Variants in SMARCA4 observed in about 807,000 individuals in gnomAD.
The protein encoded by SMARCA4 is SWI/SNF related BAF chromatin remodeling complex subunit ATPase 4, also known as SWI/SNF-related matrix-associated actin-dependent regulator of chromatin subfamily A member 4.
In SMARCA4, 31 loss-of-function variants were observed where a neutral mutation model predicts 193.9. That is an observed-to-expected ratio of 0.16 (90% CI 0.12 to 0.22). The LOEUF is 0.22. Among genes scored for constraint, SMARCA4 ranks in the 10% least tolerant of loss-of-function variants. The pLI is 1.00. For synonymous variants in SMARCA4, 942 were observed against 933.1 expected, an observed-to-expected ratio of 1.01 and a Z score of -0.17; for missense variants, 1,148 against 2,296.0, an observed-to-expected ratio of 0.50 and a Z score of 10.22.
At chr19:11,014,663 C>T (rs1047924325) in intron 16 of SMARCA4, among the ~76,000 whole-genome samples, 5 of 152,140 alleles carry the variant, frequency 3.3e-5, no homozygotes, top group African/African-American at 1.2e-4. Context: ...CCGATTTTCC[C>T]TCCTTTCACT....
intron 1 of SMARCA4, among the ~76,000 whole-genome samples, chr19:10,972,611 A>G (rs1226917916): frequency 6.6e-6 from 1 of 152,088 alleles, no homozygotes; most frequent in Non-Finnish European, 1.5e-5. Context: ...GCGGTGGGGA[A>G]GGCCTGTCAC....
intron 13 of SMARCA4, among the ~76,000 whole-genome samples, chr19:11,004,538 A>T (rs2087995240): frequency 6.6e-6 from 1 of 152,198 alleles, no homozygotes; most frequent in Admixed American, 6.5e-5. Context: ...GGCACGAACC[A>T]GTGCGTCAAA....
At position 11,034,781 on chromosome 19, in the gene SMARCA4, A is replaced by G. The variant is rs1372831184; in HGVS notation, c.3952-133A>G. 2.8e-6 allele frequency: 2 copies of G among 710,862 alleles called. No individual in the cohort carries two copies. Among genetic ancestry groups the G allele is most frequent in the African/African-American group, 1.8e-5 (1 of 56,990 alleles). The allele number at this position is 710,862 out of a possible 1,614,324, so 44.0% of individuals were successfully genotyped here. ...GTCAGCCACTGAAAAATCGAGAGCT[A>G]CTGTTTAACTCTCGCAGCAGCGTGG... On this transcript the variant is annotated intron_variant, in intron 28 of 34. Coordinates refer to ENST00000344626, the MANE Select transcript of SMARCA4 (RefSeq NM_003072.5). The surrounding 1 kb of genome is among the most constrained non-coding windows in gnomAD (Gnocchi z 7.0).
At chr19:11,013,565 G>A (rs1049011278) in intron 16 of SMARCA4, among the ~76,000 whole-genome samples, 4 of 152,108 alleles carry the variant, frequency 2.6e-5, no homozygotes, top group Non-Finnish European at 4.4e-5. Context: ...TCTGGGTCCC[G>A]GATCAAGTGG....
intron 30 of SMARCA4, among the ~76,000 whole-genome samples, chr19:11,050,051 A>T (rs2076171255): frequency 6.6e-6 from 1 of 152,146 alleles, no homozygotes; most frequent in Non-Finnish European, 1.5e-5. Flanking sequence ...GTGAGCCAAG[A>T]TTGCACCACT....
At chr19:10,983,237 C>T (rs1009022637) in intron 1 of SMARCA4, among the ~76,000 whole-genome samples, 3 of 152,130 alleles carry the variant, frequency 2.0e-5, no homozygotes, top group African/African-American at 7.2e-5. Flanking sequence ...TGCATATTAG[C>T]ATCTAAAGGA....
intron 16 of SMARCA4, among the ~76,000 whole-genome samples, chr19:11,016,208 G>A (rs1310083646): frequency 6.6e-6 from 1 of 152,036 alleles, no homozygotes; most frequent in African/African-American, 2.4e-5. Context: ...AGAGTTCAGA[G>A]AGCAGGAACT....
chr19:10,973,031 C>T (rs2084806411), intron 1 of SMARCA4, among the ~76,000 whole-genome samples: 1 of 152,180 alleles, frequency 6.6e-6, no homozygotes, highest in African/African-American at 2.4e-5. Context: ...ATTGCTTGAA[C>T]CCGGGAGGCC....
chr19:11,029,300 C>T (rs1311894405), intron 24 of SMARCA4, among the ~76,000 whole-genome samples: 1 of 152,248 alleles, frequency 6.6e-6, no homozygotes, highest in Admixed American at 6.5e-5. Context: ...TCCCTGACTC[C>T]CCCAGGAGAG....
At chr19:11,048,227 A>T (rs1361892751) in intron 30 of SMARCA4, among the ~76,000 whole-genome samples, 1 of 148,352 alleles carries the variant, frequency 6.7e-6, no homozygotes, top group African/African-American at 2.5e-5. Context: ...GTTTAATTGG[A>T]TTTTTTTTTT....
chr19:10,981,554 A>G (rs1486536663), intron 1 of SMARCA4, among the ~76,000 whole-genome samples: 1 of 152,194 alleles, frequency 6.6e-6, no homozygotes, highest in Non-Finnish European at 1.5e-5. Flanking sequence ...GTCAGGGGCC[A>G]TCTTTTCAGG....
intron 21 of SMARCA4, among the ~76,000 whole-genome samples, chr19:11,024,790 C>T (rs2090130652): frequency 6.6e-6 from 1 of 152,066 alleles, no homozygotes; most frequent in Admixed American, 6.5e-5. Flanking sequence ...AATCCCAGGC[C>T]CCAGGCCCCA....
In SMARCA4 at chr19:11,014,782, A is replaced by T. The variant is rs181426978; in HGVS notation, c.2438+1670A>T. On this transcript the variant is annotated intron_variant, in intron 16 of 34. Transcript: ENST00000344626. ...ATTTTTTGCTTTAAAAAATTTTTTT[A>T]AACTTTTCATTTTGAAATGATCTCA... Among the ~76,000 whole-genome samples the T allele has an allele frequency of 1.0e-3, 155 of 152,050 alleles. 1 individual carries two copies. The highest frequency in any genetic ancestry group is 3.4e-3 in the Middle Eastern group (1 of 294).
intron 1 of SMARCA4, among the ~76,000 whole-genome samples, chr19:10,963,659 A>G (rs1199399531): frequency 6.6e-6 from 1 of 152,158 alleles, no homozygotes; most frequent in Non-Finnish European, 1.5e-5. Context: ...CTTGTGAAAC[A>G]GGTAGGACGA....
At position 10,987,699 on chromosome 19, in the gene SMARCA4, C is replaced by T. The variant is rs748459210; in HGVS notation, c.893C>T (p.Thr298Ile). The change falls in exon 6 of 35, where the codon ACC (threonine) becomes ATC (isoleucine). Residue 298 changes from threonine to isoleucine, a missense_variant. Transcript: ENST00000344626. This position sits in a 1 kb window ranked among gnomAD's most constrained non-coding sequence, Gnocchi z 5.3. ...GCGAATGCTGCTGCCCCCACGAGCA[C>T]CCCTCAGAAGCTGATTCCCCCGCAG... ...PMANAAAPTS[T>I]PQKLIPPQPT... 1.2e-6 allele frequency: 2 copies of T among 1,612,594 alleles called. No homozygotes were observed. The highest frequency in any genetic ancestry group is 1.7e-6 in the Non-Finnish European group (2 of 1,179,528).
intron 30 of SMARCA4, among the ~76,000 whole-genome samples, chr19:11,057,932 G>C (rs779323835): frequency 1.5e-4 from 23 of 151,794 alleles, no homozygotes; most frequent in African/African-American, 5.1e-4. Context: ...GAGAAACCCT[G>C]TCTCTACTAA....
intron 30 of SMARCA4, among the ~76,000 whole-genome samples, chr19:11,051,283 G>T (rs2076244200): frequency 6.6e-6 from 1 of 152,186 alleles, no homozygotes; most frequent in African/African-American, 2.4e-5. Context: ...AGAATGGCGT[G>T]TTTAAGGAAA....
intron 29 of SMARCA4, among the ~76,000 whole-genome samples, chr19:11,036,562 C>T (rs990152515): frequency 6.6e-6 from 1 of 152,168 alleles, no homozygotes; most frequent in African/African-American, 2.4e-5. Flanking sequence ...CCCAGCTCAG[C>T]CCTGCATATT....
rs948068661 is a variant in SMARCA4 at position 11,018,731 on chromosome 19, T to C, written c.2439-226T>C. The C allele has an allele frequency of 4.0e-5, 26 of 643,076 alleles. No individual in the cohort carries two copies. The African/African-American group carries it at 4.5e-4, about 11-fold the overall frequency. The allele number at this position is 643,076 out of a possible 1,614,324, so 39.8% of individuals were successfully genotyped here. A position where few individuals can be genotyped will look rare whatever the true frequency, so the allele number is the denominator to read the frequency against. On this transcript the variant is annotated intron_variant, in intron 16 of 34. Transcript: ENST00000344626. ...CTTCTCACTCTAAAGGGCCTTGCCC[T>C]CTTTTCCCAGTGGCCTCCCTTCTGT...
Sources: gnomAD v4.1 joint callset for allele counts (sites outside exome capture counted in the v4.1 genomes callset) on GRCh38, gnomAD v4.1.1 for gene constraint, Gnocchi (gnomAD v3.1) non-coding constraint, MANE v1.5 for transcripts, NCBI Gene and HGNC (gene_info 2026-07-23, HGNC 2026-07-21) for gene names.